The following MN1 variants were observed in gnomAD, a reference collection of about 807,000 sequenced individuals.
MN1 encodes the protein MN1 proto-oncogene, transcriptional regulator.
MN1 carries 19 observed loss-of-function variants against 86.9 expected under a neutral mutation model. The observed-to-expected ratio is 0.22, with a 90% confidence interval of 0.15 to 0.32. MN1 has a LOEUF of 0.32. Ranked by LOEUF, MN1 falls within the 10% of genes least tolerant of loss-of-function variation. MN1 has a pLI of 1.00. For missense variants in MN1, 1,841 were observed against 1,862.0 expected, an observed-to-expected ratio of 0.99 and a Z score of 0.21; for synonymous variants, 928 against 849.6, an observed-to-expected ratio of 1.09 and a Z score of -1.60.
chr22:27,787,778 T>C (rs1278032262), intron 1 of MN1, among the ~76,000 whole-genome samples: 3 of 152,142 alleles, frequency 2.0e-5, no homozygotes, highest in Non-Finnish European at 4.4e-5. Context: ...GACCAGCTCC[T>C]CTGCAGGAAT....
intron 1 of MN1, among the ~76,000 whole-genome samples, chr22:27,755,338 G>A (rs1264426954): frequency 6.6e-6 from 1 of 152,162 alleles, no homozygotes; most frequent in East Asian, 1.9e-4. Context: ...CAGAGGCTGG[G>A]GCAACATCAT....
chr22:27,799,036 G>T lies in MN1; in HGVS notation c.1508C>A (p.Pro503His), dbSNP rs758566582. The change falls in exon 1 of 2, where the codon CCC (proline) becomes CAC (histidine). Residue 503 changes from proline (P) to histidine (H), a missense_variant. Coordinates refer to ENST00000302326, the MANE Select transcript of MN1 (RefSeq NM_002430.3). ...GLPGEFTPPV[P>H]DSFPSGPPLQ... ...GGGCGGCCCCGAAGGGAAGCTGTCG[G>T]GCACAGGCGGTGTGAACTCGCCGGG... The T allele has an allele frequency of 1.2e-6, 2 of 1,611,930 alleles. No homozygotes were observed. The highest frequency in any genetic ancestry group is 4.5e-5 in the East Asian group (2 of 44,836).
intron 1 of MN1, among the ~76,000 whole-genome samples, chr22:27,756,339 G>A (rs1360342158): frequency 3.3e-5 from 5 of 152,182 alleles, no homozygotes; most frequent in African/African-American, 1.2e-4. Flanking sequence ...CCGCGGACCA[G>A]GTTCCAATGT....
At chr22:27,754,633 G>A (rs1398409641) in intron 1 of MN1, among the ~76,000 whole-genome samples, 1 of 152,132 alleles carries the variant, frequency 6.6e-6, no homozygotes. Flanking sequence ...GACCTAACAC[G>A]CCCTCAGACC....
Position 27,750,980 on chromosome 22 carries a change from T to A in MN1, c.3898A>T (p.Thr1300Ser), listed in dbSNP as rs912955289. 1 of 1,612,798 alleles carries A rather than the reference T, an allele frequency of 6.2e-7. No homozygotes were observed. The highest frequency in any genetic ancestry group is 8.5e-7 in the Non-Finnish European group (1 of 1,179,376). Reference sequence around the variant, plus strand: ...ATGTCAGAATGCAGGGACCGCCAGGTGGGCACGGAGGCTCGAGCCTTGGCG... The same window carrying A: ...ATGTCAGAATGCAGGGACCGCCAGGAGGGCACGGAGGCTCGAGCCTTGGCG... ...GDAKARASVP[T>S]WRSLHSDISN... Residue 1300 changes from threonine (T) to serine (S), a missense_variant, in exon 2 of 2, where the codon ACC becomes TCC. Coordinates refer to ENST00000302326, the MANE Select transcript of MN1 (RefSeq NM_002430.3).
intron 1 of MN1, among the ~76,000 whole-genome samples, chr22:27,757,158 C>T (rs191371877): frequency 7.4e-4 from 112 of 152,268 alleles, no homozygotes; most frequent in African/African-American, 2.5e-3. Context: ...CAAGGTCACA[C>T]GGAGTCAGGG....
In MN1 at chr22:27,763,929, G is replaced by A. The variant is rs151092505; in HGVS notation, c.3782-12833C>T. Among the ~76,000 whole-genome samples the A allele has an allele frequency of 1.6e-4, 24 of 152,322 alleles. No homozygotes were observed. In the East Asian group the frequency reaches 4.3e-3, roughly 27 times the overall value. Reference sequence around the variant, plus strand: ...CACAGAGGAGGCGGTGTGCAAGTAGGGGGTTAAGCAAGCTTTGCAGGAAGA... The same window carrying A: ...CACAGAGGAGGCGGTGTGCAAGTAGAGGGTTAAGCAAGCTTTGCAGGAAGA... On this transcript the variant is annotated intron_variant, in intron 1 of 1. Coordinates refer to ENST00000302326, the MANE Select transcript of MN1 (RefSeq NM_002430.3).
chr22:27,759,239 G>A (rs996209143), intron 1 of MN1, among the ~76,000 whole-genome samples: 1 of 152,106 alleles, frequency 6.6e-6, no homozygotes, highest in African/African-American at 2.4e-5. Context: ...GAACCCGTCT[G>A]CGGGGCCCCA....
At chr22:27,760,495 C>A (rs1932827681) in intron 1 of MN1, among the ~76,000 whole-genome samples, 1 of 149,124 alleles carries the variant, frequency 6.7e-6, no homozygotes, top group African/African-American at 2.6e-5. Flanking sequence ...AGTGACAGAG[C>A]AAGACCCTGT....
intron 1 of MN1, among the ~76,000 whole-genome samples, chr22:27,775,801 G>A (rs1038310294): frequency 6.6e-6 from 1 of 152,222 alleles, no homozygotes; most frequent in Non-Finnish European, 1.5e-5. Flanking sequence ...GCAGGGCCTG[G>A]GCCCCAAAGG....
rs573221746 is a variant in MN1, at chr22:27,782,502, A to G, written c.3781+14261T>C. Among the ~76,000 whole-genome samples, 6 of 152,286 alleles carry G rather than the reference A, an allele frequency of 3.9e-5. No homozygotes were observed. The South Asian group carries it at 1.2e-3, about 32-fold the overall frequency. On this transcript the variant is annotated intron_variant, in intron 1 of 1. Transcript: ENST00000302326. ...GACAAACAATAGCGACAATGCCACC[A>G]TGCACTTCCTAGGTTCACTGATGCC...
chr22:27,799,574 G>T lies in MN1; in HGVS notation c.970C>A (p.Pro324Thr). ...FERFSGARKM[P>T]VGLEPSVGSR... ...CCCACTGAGGGCTCCAGACCCACAG[G>T]CATCTTTCTGGCCCCACTGAACCTC... Residue 324 changes from proline to threonine, a missense_variant, in exon 1 of 2, where the codon CCT becomes ACT. Pro to Thr is a conservative substitution (Grantham distance 38). Coordinates refer to ENST00000302326, the MANE Select transcript of MN1 (RefSeq NM_002430.3). 1 of 1,499,168 alleles carries T rather than the reference G, an allele frequency of 6.7e-7. No homozygotes were observed. The highest frequency in any genetic ancestry group is 2.3e-5 in the Admixed American group (1 of 43,740). The allele number at this position is 1,499,168 out of a possible 1,614,324, so 92.9% of individuals were successfully genotyped here. A position where few individuals can be genotyped will look rare whatever the true frequency, so the allele number is the denominator to read the frequency against.
intron 1 of MN1, among the ~76,000 whole-genome samples, chr22:27,775,127 T>C (rs1932960755): frequency 6.6e-6 from 1 of 152,224 alleles, no homozygotes; most frequent in Non-Finnish European, 1.5e-5. Context: ...GCAGGTCCCT[T>C]CTTTCTCTGT....
intron 1 of MN1, among the ~76,000 whole-genome samples, chr22:27,796,493 T>C (rs565122170): frequency 1.3e-5 from 2 of 148,398 alleles, no homozygotes; most frequent in East Asian, 2.1e-4. Context: ...CTCTACAAGA[T>C]TCCCAAAGGG....
At chr22:27,785,618 C>A (rs1174905428) in intron 1 of MN1, among the ~76,000 whole-genome samples, 1 of 152,174 alleles carries the variant, frequency 6.6e-6, no homozygotes, top group Non-Finnish European at 1.5e-5. Flanking sequence ...GGGGCTCTTG[C>A]AACTTCGCTG....
chr22:27,784,084 G>T (rs867742056), intron 1 of MN1, among the ~76,000 whole-genome samples: 1 of 152,222 alleles, frequency 6.6e-6, no homozygotes, highest in Non-Finnish European at 1.5e-5. Context: ...CCCCTCAGAG[G>T]GTACTCGGGA....
intron 1 of MN1, among the ~76,000 whole-genome samples, chr22:27,767,029 C>T (rs1932875020): frequency 6.6e-6 from 1 of 152,178 alleles, no homozygotes; most frequent in Admixed American, 6.5e-5. Flanking sequence ...ACACCTCACA[C>T]CAACCCTAAT....
At position 27,749,941 on chromosome 22, in the gene MN1, C is replaced by T. The variant is rs930233213; in HGVS notation, c.*974G>A. 3.9e-5 allele frequency: 9 copies of T among 231,784 alleles called. No homozygotes were observed. Among genetic ancestry groups the T allele is most frequent in the Admixed American group, 1.1e-4 (2 of 17,714 alleles). The allele number at this position is 231,784 out of a possible 1,614,324, so 14.4% of individuals were successfully genotyped here. A position where few individuals can be genotyped will look rare whatever the true frequency, so the allele number is the denominator to read the frequency against. On this transcript the variant is annotated 3_prime_UTR_variant, in exon 2 of 2. Transcript: ENST00000302326. Reference sequence around the variant, plus strand: ...GAAAAGGGAAAGGGCTGAGAACAGCCTCCTCCAACTCCAGCACCCAAGGCA... The same window carrying T: ...GAAAAGGGAAAGGGCTGAGAACAGCTTCCTCCAACTCCAGCACCCAAGGCA...
chr22:27,781,628 T>G (rs935195743), intron 1 of MN1, among the ~76,000 whole-genome samples: 3 of 152,162 alleles, frequency 2.0e-5, no homozygotes, highest in Admixed American at 6.5e-5. Context: ...CCAAAGCCCA[T>G]GCTCTCACCA....
Sources: allele counts gnomAD v4.1 joint callset (sites outside exome capture counted in the v4.1 genomes callset), GRCh38; gene constraint gnomAD v4.1.1; transcripts MANE v1.5; gene names NCBI Gene and HGNC (gene_info 2026-07-23, HGNC 2026-07-21).